NDUFS4: variants seen among roughly 807,000 people sequenced by gnomAD.
The protein encoded by NDUFS4 is NADH dehydrogenase [ubiquinone] iron-sulfur protein 4, mitochondrial.
Under a neutral mutation model 24.3 loss-of-function variants are expected in NDUFS4, and 28 were observed. The observed-to-expected ratio is 1.15, with a 90% confidence interval of 0.85 to 1.58. The LOEUF is 1.58. NDUFS4 is among the 40% of genes most tolerant of loss of function. The pLI is 0.00. For synonymous variants in NDUFS4, 93 were observed against 69.7 expected (o/e 1.34, Z -1.67); for missense variants, 223 against 207.9 (o/e 1.07, Z -0.45).
chr5:53,624,179 G>A (rs1223061218), intron 2 of NDUFS4, among the ~76,000 whole-genome samples: 1 of 151,996 alleles, frequency 6.6e-6, no homozygotes, highest in African/African-American at 2.4e-5. Flanking sequence ...TATATGCAAG[G>A]GTTTATTTCT....
chr5:53,563,421 T>C (rs2112402904), intron 1 of NDUFS4, among the ~76,000 whole-genome samples: 1 of 152,046 alleles, frequency 6.6e-6, no homozygotes, highest in African/African-American at 2.4e-5. Context: ...GCTTGTGCTG[T>C]AGTGTTGGTC....
intron 4 of NDUFS4, among the ~76,000 whole-genome samples, chr5:53,670,756 G>A (rs1215333900): frequency 2.0e-5 from 3 of 151,116 alleles, no homozygotes; most frequent in Non-Finnish European, 4.4e-5. Flanking sequence ...CTATTCTTCA[G>A]GTACTCTTAC....
chr5:53,609,246 ATAAT>A (rs150176089), intron 2 of NDUFS4, among the ~76,000 whole-genome samples: 2,083 of 152,316 alleles, frequency 0.014, 70 homozygotes, highest in Admixed American at 0.075. Flanking sequence ...TGTTTCCTAA[ATAAT>A]AAGACTCAAA....
chr5:53,561,512 GAT>G (rs61543266), intron 1 of NDUFS4, among the ~76,000 whole-genome samples: 1,112 of 12,460 alleles, frequency 0.089, 14 homozygotes, highest in African/African-American at 0.17. Flanking sequence ...TTTTTGTGAT[GAT>G]TTTTTTTTTT....
At chr5:53,608,576 G>T (rs528019950) in intron 2 of NDUFS4, among the ~76,000 whole-genome samples, 66 of 152,068 alleles carry the variant, frequency 4.3e-4, no homozygotes, top group Non-Finnish European at 8.2e-4. Flanking sequence ...GTCTTTATCA[G>T]GAGTAGATTC....
rs758317658 is a variant in NDUFS4 at position 53,646,341 on chromosome 5, A to T, written c.286A>T (p.Lys96Ter). The T allele has an allele frequency of 6.2e-7, 1 of 1,613,954 alleles. No homozygotes were observed. Among genetic ancestry groups the T allele is most frequent in the East Asian group, 2.2e-5 (1 of 44,852 alleles). ...NMQSGVNNTK[K>*]WKMEFDTRER... The stretch of plus-strand genomic sequence containing the variant: ...GCAGTCTGGAGTAAACAACACAAAG[A>T]AATGGAAGATGGAGTTTGATACCAG... The change falls in exon 3 of 5, where the codon AAA (lysine) becomes TAA (stop). Residue 96 changes from lysine to a stop codon, truncating the protein, a stop_gained. Transcript: ENST00000296684. LOFTEE classifies it high-confidence loss of function.
intron 4 of NDUFS4, among the ~76,000 whole-genome samples, chr5:53,676,543 G>A (rs1181160064): frequency 6.6e-6 from 1 of 152,124 alleles, no homozygotes; most frequent in Non-Finnish European, 1.5e-5. Flanking sequence ...GCACATCACA[G>A]CTTTCTTGGA....
At chr5:53,674,115 C>A (rs900442184) in intron 4 of NDUFS4, among the ~76,000 whole-genome samples, 1 of 152,126 alleles carries the variant, frequency 6.6e-6, no homozygotes, top group African/African-American at 2.4e-5. Context: ...TGATACAGGA[C>A]GCTTTAGAAA....
chr5:53,650,239 A>G (rs1480978761), intron 3 of NDUFS4, among the ~76,000 whole-genome samples: 1 of 152,180 alleles, frequency 6.6e-6, no homozygotes, highest in Non-Finnish European at 1.5e-5. Flanking sequence ...GATGAGTAAA[A>G]TACTTTATAT....
chr5:53,649,768 G>A (rs1314151743), intron 3 of NDUFS4, among the ~76,000 whole-genome samples: 1 of 152,136 alleles, frequency 6.6e-6, no homozygotes, highest in Non-Finnish European at 1.5e-5. Flanking sequence ...GTATTCCATA[G>A]GGGTTGAATT....
At chr5:53,656,810 G>A (rs1022087047) in intron 3 of NDUFS4, among the ~76,000 whole-genome samples, 2 of 152,132 alleles carry the variant, frequency 1.3e-5, no homozygotes, top group Non-Finnish European at 2.9e-5. Flanking sequence ...GTGGATTGGA[G>A]TCAAGGAGGC....
intron 1 of NDUFS4, among the ~76,000 whole-genome samples, chr5:53,593,058 C>G (rs889124135): frequency 2.0e-5 from 3 of 152,062 alleles, no homozygotes; most frequent in African/African-American, 7.2e-5. Context: ...ATGCTGGTCC[C>G]ATAGAATGAG....
chr5:53,656,228 A>G (rs577406305), intron 3 of NDUFS4, among the ~76,000 whole-genome samples: 15 of 138,840 alleles, frequency 1.1e-4, no homozygotes, highest in South Asian at 9.0e-4. Context: ...TTTTTTTTCT[A>G]TTAGTCACTC....
At chr5:53,581,843 T>C (rs956123611) in intron 1 of NDUFS4, among the ~76,000 whole-genome samples, 1 of 152,306 alleles carries the variant, frequency 6.6e-6, no homozygotes, top group Non-Finnish European at 1.5e-5. Context: ...CTAATTGATA[T>C]AAAACAAGAG....
rs775330362 is a variant in NDUFS4, at chr5:53,591,453, G to GT, written c.99-11991dup. ...TGCCAGTACTTGCTACTTTTTGTTT[G>GT]TTTTTTTTGGGGGGGGGGGGTGATA... On this transcript the variant is annotated intron_variant, in intron 1 of 4. Coordinates refer to ENST00000296684, the MANE Select transcript of NDUFS4 (RefSeq NM_002495.4). Among the ~76,000 whole-genome samples, 314 of 34,370 alleles carry GT rather than the reference G, an allele frequency of 9.1e-3. 4 individuals are homozygous for GT. The highest frequency in any genetic ancestry group is 0.03 in the South Asian group (23 of 778). The allele number at this position is 34,370 out of a possible 152,430, so 22.5% of individuals were successfully genotyped here.
chr5:53,678,309 T>G (rs1740540717), intron 4 of NDUFS4, among the ~76,000 whole-genome samples: 1 of 152,202 alleles, frequency 6.6e-6, no homozygotes, highest in African/African-American at 2.4e-5. Context: ...GACTATTTTG[T>G]GAAAGCGTTT....
chr5:53,669,342 A>G (rs1285547200), intron 4 of NDUFS4, among the ~76,000 whole-genome samples: 2 of 152,050 alleles, frequency 1.3e-5, no homozygotes, highest in Admixed American at 6.6e-5. Flanking sequence ...CTGTGTTCCA[A>G]CTCTTACTTT....
At chr5:53,572,970 GTT>G (rs34978747) in intron 1 of NDUFS4, among the ~76,000 whole-genome samples, 25,489 of 110,962 alleles carry the variant, frequency 0.23, 2,764 homozygotes, top group East Asian at 0.47. Flanking sequence ...TTTTTTTTTT[GTT>G]TTTTTTTTTT....
chr5:53,612,648 C>T (rs1750733193), intron 2 of NDUFS4, among the ~76,000 whole-genome samples: 2 of 152,030 alleles, frequency 1.3e-5, no homozygotes, highest in Non-Finnish European at 2.9e-5. Flanking sequence ...TTCCAAATAG[C>T]AATTAAACAG....
Sources: gnomAD v4.1 joint callset for allele counts (sites outside exome capture counted in the v4.1 genomes callset) on GRCh38, gnomAD v4.1.1 for gene constraint, MANE v1.5 for transcripts, NCBI Gene and HGNC (gene_info 2026-07-23, HGNC 2026-07-21) for gene names.